Variants in FRS2 observed in about 807,000 individuals in gnomAD.
FRS2 encodes fibroblast growth factor receptor substrate 2.
FRS2 carries 8 observed loss-of-function variants against 43.9 expected under a neutral mutation model. That is an observed-to-expected ratio of 0.18 (90% confidence interval 0.11 to 0.33). FRS2 has a LOEUF of 0.33. Ranked by LOEUF, FRS2 falls within the 10% of genes least tolerant of loss-of-function variation. FRS2 has a pLI of 1.00. For synonymous variants in FRS2, 219 were observed against 220.3 expected, an observed-to-expected ratio of 0.99 and a Z score of 0.05; for missense variants, 534 against 627.6, an observed-to-expected ratio of 0.85 and a Z score of 1.59.
At chr12:69,499,524 C>T (rs568033263) in intron 1 of FRS2, among the ~76,000 whole-genome samples, 24 of 152,188 alleles carry the variant, frequency 1.6e-4, no homozygotes, top group African/African-American at 5.3e-4. Context: ...CATGTGTTCC[C>T]CTCTGCCCTC....
At chr12:69,571,703 A>C (rs1880774082) in intron 7 of FRS2, among the ~76,000 whole-genome samples, 1 of 152,046 alleles carries the variant, frequency 6.6e-6, no homozygotes, top group Admixed American at 6.5e-5. Context: ...CTACTAAAAA[A>C]ATACAAAAAA....
chr12:69,471,883 C>T (rs959366423), intron 1 of FRS2, among the ~76,000 whole-genome samples: 1 of 152,132 alleles, frequency 6.6e-6, no homozygotes, highest in African/African-American at 2.4e-5. Flanking sequence ...ATTCTCTTTC[C>T]TCCCACCCCT....
chr12:69,522,592 C>T (rs1875795605), intron 1 of FRS2, among the ~76,000 whole-genome samples: 1 of 152,064 alleles, frequency 6.6e-6, no homozygotes, highest in East Asian at 1.9e-4. Context: ...TCTCAGTCTA[C>T]TTTGGTTCAG....
intron 1 of FRS2, among the ~76,000 whole-genome samples, chr12:69,521,532 T>C (rs935839325): frequency 6.6e-6 from 1 of 152,220 alleles, no homozygotes; most frequent in Non-Finnish European, 1.5e-5. Flanking sequence ...TGATGTTGGC[T>C]GTGGGTTTGT....
chr12:69,496,683 A>G (rs1872928204), intron 1 of FRS2, among the ~76,000 whole-genome samples: 1 of 152,240 alleles, frequency 6.6e-6, no homozygotes, highest in African/African-American at 2.4e-5. Flanking sequence ...TTTTATCATT[A>G]TTAGGAAACA....
At chr12:69,483,638 C>T (rs929598121) in intron 1 of FRS2, among the ~76,000 whole-genome samples, 26 of 151,658 alleles carry the variant, frequency 1.7e-4, no homozygotes, top group African/African-American at 5.8e-4. Context: ...AAGTATTTTC[C>T]GTGTCACCAT....
Position 69,471,477 on chromosome 12 carries a change from C to A in FRS2, c.-261+947C>A, listed in dbSNP as rs541140374. 3.3e-5 allele frequency among the ~76,000 whole-genome samples: 5 copies of A among 152,272 alleles called. No homozygotes were observed. In the East Asian group the frequency reaches 5.8e-4, roughly 18 times the overall value. ...TGTTCTTGGATTTTCTTGAGAGATT[C>A]CTTACACTGTTAAAATTGTTGCTGC... is the stretch of plus-strand genomic sequence containing the variant. On this transcript the variant is annotated intron_variant, in intron 1 of 8. Coordinates refer to ENST00000549921, the MANE Select transcript of FRS2 (RefSeq NM_001278356.2).
intron 3 of FRS2, among the ~76,000 whole-genome samples, chr12:69,552,317 A>AAAG (rs1878957140): frequency 6.6e-6 from 1 of 151,166 alleles, no homozygotes; most frequent in African/African-American, 2.4e-5. Context: ...AAAAAAAAAA[A>AAAG]AAAAAAAAAA....
chr12:69,556,246 G>T (rs1879341485), intron 3 of FRS2, among the ~76,000 whole-genome samples: 1 of 151,984 alleles, frequency 6.6e-6, no homozygotes, highest in South Asian at 2.1e-4. Flanking sequence ...ATATCCAACT[G>T]AGTTTGGAAA....
chr12:69,525,963 G>A (rs1424406691), intron 1 of FRS2, among the ~76,000 whole-genome samples: 5 of 152,030 alleles, frequency 3.3e-5, no homozygotes, highest in African/African-American at 7.2e-5. Context: ...GGGTTCAAGC[G>A]ATTCTCCTGC....
chr12:69,516,390 G>T (rs1875037660), intron 1 of FRS2, among the ~76,000 whole-genome samples: 1 of 151,928 alleles, frequency 6.6e-6, no homozygotes, highest in Non-Finnish European at 1.5e-5. Flanking sequence ...GGCTAATTTT[G>T]TATTTTTAGT....
Position 69,579,233 on chromosome 12 carries a change from G to C in FRS2, c.*4278G>C, listed in dbSNP as rs890076350. 1.4e-4 allele frequency: 21 copies of C among 152,558 alleles called. No homozygotes were observed. Among genetic ancestry groups the C allele is most frequent in the African/African-American group, 5.1e-4 (21 of 41,428 alleles). 9.5% of individuals were successfully genotyped at this position (152,558 alleles called of 1,614,324 possible). A position where few individuals can be genotyped will look rare whatever the true frequency, so the allele number is the denominator to read the frequency against. On this transcript the variant is annotated 3_prime_UTR_variant, in exon 9 of 9. Transcript: ENST00000549921. ...GTGGGGATGGGACGATTGCCCTCTA[G>C]TTGTCCTTTGCATATGACTGTTTTT...
At chr12:69,563,263 G>A (rs1484659052) in intron 4 of FRS2, among the ~76,000 whole-genome samples, 1 of 152,050 alleles carries the variant, frequency 6.6e-6, no homozygotes, top group Non-Finnish European at 1.5e-5. Context: ...TTGTGGTTTA[G>A]GAGAAAGAAT....
At chr12:69,515,721 A>G (rs1348847647) in intron 1 of FRS2, among the ~76,000 whole-genome samples, 4 of 152,102 alleles carry the variant, frequency 2.6e-5, no homozygotes, top group Non-Finnish European at 5.9e-5. Flanking sequence ...TGGTGGGTTG[A>G]AAAACAATTA....
At chr12:69,544,104 CT>C (rs77592131) in intron 3 of FRS2, among the ~76,000 whole-genome samples, 359 of 134,732 alleles carry the variant, frequency 2.7e-3, no homozygotes, top group Admixed American at 2.8e-3. Context: ...GGGAGGCTTT[CT>C]TTTTTTTTTT....
intron 1 of FRS2, among the ~76,000 whole-genome samples, chr12:69,473,516 A>C (rs1870494595): frequency 6.6e-6 from 1 of 152,246 alleles, no homozygotes; most frequent in Non-Finnish European, 1.5e-5. Flanking sequence ...ATTACCTGGA[A>C]TATACTGTTC....
chr12:69,493,032 A>G (rs1872601746), intron 1 of FRS2, among the ~76,000 whole-genome samples: 1 of 152,256 alleles, frequency 6.6e-6, no homozygotes, highest in Non-Finnish European at 1.5e-5. Context: ...TTTTGAAACT[A>G]AAGACATATT....
chr12:69,494,883 C>T (rs1402928407), intron 1 of FRS2, among the ~76,000 whole-genome samples: 1 of 152,090 alleles, frequency 6.6e-6, no homozygotes, highest in East Asian at 1.9e-4. Flanking sequence ...AAGTGATTCC[C>T]CTGTCTCAAC....
At chr12:69,493,954 G>T (rs1011487266) in intron 1 of FRS2, among the ~76,000 whole-genome samples, 3 of 151,934 alleles carry the variant, frequency 2.0e-5, no homozygotes, top group African/African-American at 7.3e-5. Context: ...AGCTATTTAC[G>T]TGAATTTTAC....
Sources: gnomAD v4.1 joint callset for allele counts (sites outside exome capture counted in the v4.1 genomes callset) on GRCh38, gnomAD v4.1.1 for gene constraint, MANE v1.5 for transcripts, NCBI Gene and HGNC (gene_info 2026-07-23, HGNC 2026-07-21) for gene names.